Variants in ITCH observed in about 807,000 individuals in gnomAD.
ITCH encodes the protein itchy E3 ubiquitin protein ligase.
Under a neutral mutation model 126.8 loss-of-function variants are expected in ITCH, and 28 were observed. The observed-to-expected ratio is 0.22, with a 90% CI of 0.16 to 0.30. The LOEUF is 0.30. ITCH is among the 10% of genes least tolerant of loss of function. The pLI is 1.00. For missense variants in ITCH, 631 were observed against 1,032.4 expected, an observed-to-expected ratio of 0.61 and a Z score of 5.33; for synonymous variants, 342 against 340.0, an observed-to-expected ratio of 1.01 and a Z score of -0.06.
rs1448990919 is a variant in ITCH, at chr20:34,409,142, C to T, written c.212+350C>T. 3.1e-5 allele frequency among the ~76,000 whole-genome samples: 4 copies of T among 128,634 alleles called. 1 individual carries two copies. The highest frequency in any genetic ancestry group is 6.6e-5 in the Non-Finnish European group (4 of 60,776). 84.4% of individuals were successfully genotyped at this position (128,634 alleles called of 152,430 possible). A position where few individuals can be genotyped will look rare whatever the true frequency, so the allele number is the denominator to read the frequency against. On this transcript the variant is annotated intron_variant, in intron 4 of 24. Transcript: ENST00000374864. The stretch of plus-strand genomic sequence containing the variant: ...TGAATTAAGGGATTATGAGTACTCC[C>T]CCCCCCCCCGGTTTTTAACTTAATT...
intron 9 of ITCH, among the ~76,000 whole-genome samples, chr20:34,440,882 A>G (rs866403734): frequency 2.0e-5 from 3 of 152,222 alleles, no homozygotes; most frequent in Admixed American, 2.0e-4. Context: ...AAAGTTAACC[A>G]AGGCCAATTA....
intron 6 of ITCH, among the ~76,000 whole-genome samples, chr20:34,417,826 T>G (rs1980151227): frequency 6.6e-6 from 1 of 151,692 alleles, no homozygotes; most frequent in Non-Finnish European, 1.5e-5. Flanking sequence ...TTTTTTTCTT[T>G]TCGTGGGATG....
intron 3 of ITCH, 89 bp from the exon 4 acceptor site, chr20:34,408,562 A>T: frequency 8.1e-7 from 1 of 1,234,476 alleles, no homozygotes; most frequent in South Asian, 1.3e-5. Flanking sequence ...GAGTAAATTT[A>T]GTAAATCTGC....
rs1265526885 is a variant in ITCH at position 34,453,016 on chromosome 20, CT to C, written c.1210+3537del. ...GAATACATAGAATGACAAGAAGTGT[CT>C]GTTTTTTACTGTTTTATTCATCAAG... On this transcript the variant is annotated intron_variant, in intron 12 of 24. Coordinates refer to ENST00000374864, the MANE Select transcript of ITCH (RefSeq NM_031483.7). Among the ~76,000 whole-genome samples the C allele has an allele frequency of 9.2e-5, 14 of 152,260 alleles. No homozygotes were observed. In the East Asian group the frequency reaches 2.7e-3, roughly 29 times the overall value.
intron 2 of ITCH, among the ~76,000 whole-genome samples, chr20:34,372,904 G>A (rs934108780): frequency 1.3e-5 from 2 of 151,852 alleles, no homozygotes; most frequent in Admixed American, 1.3e-4. Context: ...TGTTACAAGA[G>A]TTTCATTGCA....
At chr20:34,385,770 A>T (rs941114239) in intron 2 of ITCH, among the ~76,000 whole-genome samples, 1 of 152,168 alleles carries the variant, frequency 6.6e-6, no homozygotes. Flanking sequence ...TTTAGAATCC[A>T]TACTGATGTA....
At chr20:34,464,070 G>T (rs1197462604) in intron 14 of ITCH, among the ~76,000 whole-genome samples, 1 of 151,764 alleles carries the variant, frequency 6.6e-6, no homozygotes, top group Non-Finnish European at 1.5e-5. Context: ...TGCCTCCCGG[G>T]TTCACGCCAT....
At chr20:34,444,213 C>T (rs1318333874) in intron 10 of ITCH, among the ~76,000 whole-genome samples, 5 of 152,168 alleles carry the variant, frequency 3.3e-5, no homozygotes, top group Non-Finnish European at 7.3e-5. Flanking sequence ...TCATAATCAA[C>T]ACAATCAATT....
At chr20:34,482,645 T>C (rs1988835134) in intron 20 of ITCH, among the ~76,000 whole-genome samples, 2 of 152,238 alleles carry the variant, frequency 1.3e-5, no homozygotes, top group South Asian at 4.1e-4. Context: ...CCCCACCGGC[T>C]GCTTTCATGG....
chr20:34,474,357 TG>T (rs1443511822), intron 16 of ITCH, among the ~76,000 whole-genome samples: 3 of 152,164 alleles, frequency 2.0e-5, no homozygotes, highest in African/African-American at 4.8e-5. Flanking sequence ...TAGGGAGTGG[TG>T]ATGACTCTTA....
intron 16 of ITCH, among the ~76,000 whole-genome samples, 158 bp downstream of exon 16, chr20:34,471,673 G>GGGGT (rs1555881410): frequency 2.9e-5 from 2 of 69,326 alleles, no homozygotes; most frequent in East Asian, 7.0e-4. Context: ...GGGCTTAAGG[G>GGGGT]GTGTGTGTGT....
At chr20:34,406,769 C>T (rs1322229716) in intron 3 of ITCH, among the ~76,000 whole-genome samples, 2 of 151,974 alleles carry the variant, frequency 1.3e-5, no homozygotes, top group African/African-American at 4.8e-5. Context: ...CTCCTGACCT[C>T]GTGATCCGCC....
chr20:34,391,810 T>G (rs2038499360), intron 2 of ITCH, among the ~76,000 whole-genome samples: 1 of 152,210 alleles, frequency 6.6e-6, no homozygotes, highest in South Asian at 2.1e-4. Context: ...GTGCTTTCAT[T>G]AATCTTTTCT....
At chr20:34,387,968 G>T (rs992637757) in intron 2 of ITCH, among the ~76,000 whole-genome samples, 1 of 152,182 alleles carries the variant, frequency 6.6e-6, no homozygotes, top group East Asian at 1.9e-4. Flanking sequence ...CTCCCAAAGT[G>T]CTGGGATTAC....
chr20:34,465,180 G>A (rs1986935207), intron 14 of ITCH, among the ~76,000 whole-genome samples: 1 of 152,138 alleles, frequency 6.6e-6, no homozygotes, highest in African/African-American at 2.4e-5. Flanking sequence ...CATGACTGTG[G>A]CACCATTGTC....
chr20:34,402,254 C>T, intron 3 of ITCH: 2 of 1,264,740 alleles, frequency 1.6e-6, no homozygotes, highest in Non-Finnish European at 2.3e-6. Flanking sequence ...GTGCAGAACA[C>T]TCCACGTACT....
intron 20 of ITCH, among the ~76,000 whole-genome samples, chr20:34,487,816 G>A (rs963904034): frequency 6.6e-6 from 1 of 152,200 alleles, no homozygotes. Context: ...GCAGGCACCT[G>A]TAATCCCAGC....
At chr20:34,369,269 G>A in intron 1 of ITCH, 125 bp from the exon 2 acceptor site, 1 of 379,040 alleles carries the variant, frequency 2.6e-6, no homozygotes, top group Admixed American at 4.5e-5. Flanking sequence ...GGAGGCGAAG[G>A]TTGGAGTGAG....
chr20:34,390,370 T>C (rs929879499), intron 2 of ITCH, among the ~76,000 whole-genome samples: 2 of 152,086 alleles, frequency 1.3e-5, no homozygotes, highest in South Asian at 4.2e-4. Flanking sequence ...CTGTCTGACT[T>C]CACAGTTGGC....
Sources: allele counts gnomAD v4.1 joint callset (sites outside exome capture counted in the v4.1 genomes callset), GRCh38; gene constraint gnomAD v4.1.1; transcripts MANE v1.5; gene names NCBI Gene and HGNC (gene_info 2026-07-23, HGNC 2026-07-21).